CAMTA2: variants seen among roughly 807,000 people sequenced by gnomAD.
The protein encoded by CAMTA2 is calmodulin binding transcription activator 2, also known as calmodulin-binding transcription activator 2.
In CAMTA2, 56 loss-of-function variants were observed where a neutral mutation model predicts 135.7. That is an observed-to-expected ratio of 0.41 (90% CI 0.33 to 0.52). The LOEUF (loss-of-function observed/expected upper bound fraction) is 0.52, where lower values mean the gene tolerates loss of function less well. CAMTA2 is among the 20% of genes least tolerant of loss of function. CAMTA2 has a pLI of 0.16. For synonymous variants in CAMTA2, 591 were observed against 604.6 expected (o/e 0.98, Z 0.33); for missense variants, 1,358 against 1,553.4 (o/e 0.87, Z 2.11).
At chr17:4,972,135 TA>T in intron 16 of CAMTA2, 96 bp downstream of exon 16, 1 of 1,105,030 alleles carries the variant, frequency 9.0e-7, no homozygotes, top group Non-Finnish European at 1.3e-6. Flanking sequence ...AGGCCCTTCC[TA>T]AACTGAAGCC....
At position 4,979,947 on chromosome 17, in the gene CAMTA2, C is replaced by T. The variant is rs747479477; in HGVS notation, c.1375G>A (p.Ala459Thr). The T allele has an allele frequency of 4.3e-6, 7 of 1,612,944 alleles. No individual in the cohort carries two copies. The African/African-American group carries it at 8.0e-5, about 18-fold the overall frequency. ...SGEELKGHGA[A>T]PPIPSPPPSP... ...GGAGGGGGTGAAGGTATGGGTGGGGCAGCCCCGTGACCCTTGAGCTCCTCC... is the reference window on the plus strand; with the variant it reads ...GGAGGGGGTGAAGGTATGGGTGGGGTAGCCCCGTGACCCTTGAGCTCCTCC... Residue 459 changes from alanine (A) to threonine (T), a missense_variant, in exon 9 of 23, where the codon GCC becomes ACC. Around this residue, in one of 4 missense-constraint regions of CAMTA2, gnomAD observed 1,077 missense variants for 1,127.5 expected, o/e 0.96. Transcript: ENST00000348066.
chr17:4,983,957 A>T (rs564521072), intron 3 of CAMTA2, among the ~76,000 whole-genome samples: 2 of 147,232 alleles, frequency 1.4e-5, no homozygotes, highest in East Asian at 4.1e-4. Flanking sequence ...TTATTTATTT[A>T]TTTATTTTTT....
At chr17:4,986,910 TC>T in intron 1 of CAMTA2, 1 of 1,458,824 alleles carries the variant, frequency 6.9e-7, no homozygotes. Flanking sequence ...TAGCTCCCTC[TC>T]CCCAAACGCC....
Position 4,972,806 on chromosome 17 carries a change from TGGG to T in CAMTA2, c.2463_2465del (p.Pro822del), listed in dbSNP as rs762977486. ...TGGAGGAGGGTGGCGATAGGGCAAA[TGGG>T]GGCTCCACCGAAGGCTCCTGTCTCT... is the stretch of plus-strand genomic sequence containing the variant. On this transcript the variant is annotated inframe_deletion, in exon 15 of 23. Coordinates refer to ENST00000348066, the MANE Select transcript of CAMTA2 (RefSeq NM_015099.4). 3.1e-6 allele frequency: 5 copies of T among 1,613,730 alleles called. No homozygotes were observed. In the African/African-American group the frequency reaches 4.0e-5, roughly 13 times the overall value.
chr17:4,972,897 A>G lies in CAMTA2; in HGVS notation c.2375T>C (p.Leu792Pro). ...ALSIPDSLGRLPLSVAHSRGH... is the reference protein window; with the variant it reads ...ALSIPDSLGRPPLSVAHSRGH... ...CCGGGAATGAGCCACAGACAATGGC[A>G]GACGGCCCAGAGAGTCGGGAATGCT... The change falls in exon 15 of 23, where the codon CTG becomes CCG. Residue 792 changes from leucine to proline, a missense_variant. This residue lies in a region of CAMTA2 where 1,077 missense variants were observed against 1,127.5 expected (regional missense o/e 0.96). Transcript: ENST00000348066. The G allele has an allele frequency of 6.2e-7, 1 of 1,613,946 alleles. No individual in the cohort carries two copies. Among genetic ancestry groups the G allele is most frequent in the Non-Finnish European group, 8.5e-7 (1 of 1,180,026 alleles).
At position 4,972,806 on chromosome 17, in the gene CAMTA2, T is replaced by C. The variant is rs1234682149; in HGVS notation, c.2466A>G (p.Pro822=). The C allele has an allele frequency of 6.2e-7, 1 of 1,613,730 alleles. No individual in the cohort carries two copies. Among genetic ancestry groups the C allele is most frequent in the Non-Finnish European group, 8.5e-7 (1 of 1,180,032 alleles). The change falls in exon 15 of 23, where the codon CCA becomes CCG. Residue 822 remains proline (P), a synonymous_variant. Transcript: ENST00000348066. ...TGGAGGAGGGTGGCGATAGGGCAAA[T>C]GGGGGCTCCACCGAAGGCTCCTGTC... ...LQRQEPSVEP[P]FALSPPSSSP...
rs1972650275 is a variant in CAMTA2 at position 4,976,924 on chromosome 17, GA to G, written c.1900+133del. 20 of 817,210 alleles carry G rather than the reference GA, an allele frequency of 2.4e-5. No homozygotes were observed. The East Asian group carries it at 5.3e-4, about 22-fold the overall frequency. The allele number at this position is 817,210 out of a possible 1,614,324, so 50.6% of individuals were successfully genotyped here. ...GCTGCCACATTTAGAAATCACTAAT[GA>G]AATAGGAATTGAAAAAAAAAAATGG... On this transcript the variant is annotated intron_variant, in intron 11 of 22. Coordinates refer to ENST00000348066, the MANE Select transcript of CAMTA2 (RefSeq NM_015099.4).
At position 4,977,060 on chromosome 17, in the gene CAMTA2, T is replaced by A; in HGVS notation, c.1898A>T (p.Asp633Val). The A allele has an allele frequency of 6.2e-7, 1 of 1,614,118 alleles. No homozygotes were observed. ...GGTTCAGAGGGCTGGGTACTCACCG[T>A]CCAGTGACAGCCAGTCAAGTTGAGT... is the stretch of plus-strand genomic sequence containing the variant. ...PSTQLDWLSL[D>V]DNQFRMSILE... Residue 633 changes from aspartate (D) to valine (V), a missense_variant and splice_region_variant, in exon 11 of 23, where the codon GAC (aspartate) becomes GTC (valine). Asp to Val is a radical substitution (Grantham distance 152, BLOSUM62 -3). Coordinates refer to ENST00000348066, the MANE Select transcript of CAMTA2 (RefSeq NM_015099.4).
Position 4,973,487 on chromosome 17 carries a change from C to G in CAMTA2, c.2201+98G>C, listed in dbSNP as rs1972430327. 1.9e-5 allele frequency: 24 copies of G among 1,277,502 alleles called. No individual in the cohort carries two copies. The South Asian group carries it at 3.2e-4, about 17-fold the overall frequency. 79.1% of individuals were successfully genotyped at this position (1,277,502 alleles called of 1,614,324 possible). A position where few individuals can be genotyped will look rare whatever the true frequency, so the allele number is the denominator to read the frequency against. ...CTCCCTTCCCACAATGACCCCAACT[C>G]CCTCTTGGTAGGGCCCCAGGTCCTC... On this transcript the variant is annotated intron_variant, in intron 13 of 22. Coordinates refer to ENST00000348066, the MANE Select transcript of CAMTA2 (RefSeq NM_015099.4).
rs1449995710 is a variant in CAMTA2 at position 4,980,410 on chromosome 17, G to C, written c.912C>G (p.Pro304=). 1.2e-6 allele frequency: 2 copies of C among 1,613,866 alleles called. No homozygotes were observed. The highest frequency in any genetic ancestry group is 2.7e-5 in the African/African-American group (2 of 74,846). ...SSSSSSGFAE[P]LEIRPSPPTS... ...TGGGAGGGCTAGGTCTGATTTCTAGGGGCTCTGCAAAACCTGATGAGGAGG... is the reference window on the plus strand; with the variant it reads ...TGGGAGGGCTAGGTCTGATTTCTAGCGGCTCTGCAAAACCTGATGAGGAGG... Residue 304 remains proline, a synonymous_variant, in exon 9 of 23, where the codon CCC becomes CCG. Coordinates refer to ENST00000348066, the MANE Select transcript of CAMTA2 (RefSeq NM_015099.4). This position sits in a 1 kb window ranked among gnomAD's most constrained non-coding sequence, Gnocchi z 5.3.
Position 4,970,528 on chromosome 17 carries a change from C to T in CAMTA2, c.2817G>A (p.Met939Ile). ...CGATGATCTGCTTGGCTAGTGAGAT[C>T]ATGTCCACCTGGAAGAAGGGAGAAG... The part of the protein sequence containing the change: ...PQAVDVIPVD[M>I]ISLAKQIIEA... Residue 939 changes from methionine to isoleucine, a missense_variant, in exon 17 of 23, where the codon ATG (methionine) becomes ATA (isoleucine). Physicochemically the swap from Met to Ile is conservative, Grantham distance 10 (BLOSUM62 1). Around this residue, in one of 4 missense-constraint regions of CAMTA2, gnomAD observed 1,077 missense variants for 1,127.5 expected, o/e 0.96. Coordinates refer to ENST00000348066, the MANE Select transcript of CAMTA2 (RefSeq NM_015099.4). 6.2e-7 allele frequency: 1 copy of T among 1,609,926 alleles called. No individual in the cohort carries two copies. Among genetic ancestry groups the T allele is most frequent in the African/African-American group, 1.3e-5 (1 of 75,054 alleles).
At chr17:4,987,408 G>C (rs113092029) in intron 1 of CAMTA2, 185 bp downstream of exon 1, 7 of 1,370,858 alleles carry the variant, frequency 5.1e-6, no homozygotes, top group Non-Finnish European at 6.5e-6. Flanking sequence ...GCACGCGCTG[G>C]TCCGCCGTGG....
chr17:4,979,974 C>G lies in CAMTA2; in HGVS notation c.1348G>C (p.Gly450Arg). 2 of 1,613,552 alleles carry G rather than the reference C, an allele frequency of 1.2e-6. No homozygotes were observed. The highest frequency in any genetic ancestry group is 1.7e-6 in the Non-Finnish European group (2 of 1,179,974). ...NCFFIQDDDSGEELKGHGAAP... is the reference protein window; with the variant it reads ...NCFFIQDDDSREELKGHGAAP... Reference sequence around the variant, plus strand: ...GCCCCGTGACCCTTGAGCTCCTCCCCACTGTCATCATCTTGGATGAAGAAG... The same window carrying G: ...GCCCCGTGACCCTTGAGCTCCTCCCGACTGTCATCATCTTGGATGAAGAAG... The change falls in exon 9 of 23, where the codon GGG becomes CGG. Residue 450 changes from glycine (G) to arginine (R), a missense_variant. Gly to Arg is a moderately radical substitution (Grantham distance 125). This residue lies in a region of CAMTA2 where 1,077 missense variants were observed against 1,127.5 expected (regional missense o/e 0.96). Transcript: ENST00000348066.
rs1972040880 is a variant in CAMTA2, at chr17:4,968,399, C to T, written c.*357G>A. On this transcript the variant is annotated 3_prime_UTR_variant, in exon 23 of 23. Coordinates refer to ENST00000348066, the MANE Select transcript of CAMTA2 (RefSeq NM_015099.4). Reference sequence around the variant, plus strand: ...GCAGTGGTGGGAACCGAGGCGGATACATTCAGAGACGCGTCGAACAAATAA... The same window carrying T: ...GCAGTGGTGGGAACCGAGGCGGATATATTCAGAGACGCGTCGAACAAATAA... 1.3e-5 allele frequency: 5 copies of T among 399,994 alleles called. No individual in the cohort carries two copies. In the South Asian group the frequency reaches 1.5e-4, roughly 12 times the overall value. 24.8% of individuals were successfully genotyped at this position (399,994 alleles called of 1,614,324 possible).
At chr17:4,985,244 C>T (rs1289564097) in intron 3 of CAMTA2, among the ~76,000 whole-genome samples, 1 of 152,214 alleles carries the variant, frequency 6.6e-6, no homozygotes, top group East Asian at 1.9e-4. Flanking sequence ...GTTTCCTCAT[C>T]AATAACATAG....
chr17:4,978,647 G>T lies in CAMTA2; in HGVS notation c.1639-17C>A. Reference sequence around the variant, plus strand: ...GACCCCACCCTGCAGACAGAAGTCAGAGACCATGTGACTGGAGTTGGGCGT... The same window carrying T: ...GACCCCACCCTGCAGACAGAAGTCATAGACCATGTGACTGGAGTTGGGCGT... On this transcript the variant is annotated splice_polypyrimidine_tract_variant and intron_variant, in intron 9 of 22. Transcript: ENST00000348066. 6.2e-7 allele frequency: 1 copy of T among 1,609,816 alleles called. No individual in the cohort carries two copies. Among genetic ancestry groups the T allele is most frequent in the South Asian group, 1.1e-5 (1 of 90,728 alleles).
At position 4,968,259 on chromosome 17, in the gene CAMTA2, C is replaced by T. The variant is rs1972034334; in HGVS notation, c.*497G>A. On this transcript the variant is annotated 3_prime_UTR_variant, in exon 23 of 23. Coordinates refer to ENST00000348066, the MANE Select transcript of CAMTA2 (RefSeq NM_015099.4). ...TCCCCTTCGGCCCTGAGGTCAGTGG[C>T]CAGAGTCGGGTGATGGGGTAAGACA... The T allele has an allele frequency of 3.9e-6, 1 of 257,254 alleles. No homozygotes were observed. Among genetic ancestry groups the T allele is most frequent in the Non-Finnish European group, 7.6e-6 (1 of 131,346 alleles). 15.9% of individuals were successfully genotyped at this position (257,254 alleles called of 1,614,324 possible).
chr17:4,972,955 C>A lies in CAMTA2; in HGVS notation c.2317G>T (p.Val773Leu). The change falls in exon 15 of 23, where the codon GTG becomes TTG. Residue 773 changes from valine to leucine, a missense_variant. Coordinates refer to ENST00000348066, the MANE Select transcript of CAMTA2 (RefSeq NM_015099.4). ...ACALGHLEAA[V>L]LLFRWNRQAL... is the part of the protein sequence containing the mutation. The stretch of plus-strand genomic sequence containing the variant: ...TGTCGGTTCCAACGGAAAAGGAGCA[C>A]AGCAGCTTCCAGGTGTCCCAGGGCA... 1 of 1,613,434 alleles carries A rather than the reference C, an allele frequency of 6.2e-7. No individual in the cohort carries two copies. The highest frequency in any genetic ancestry group is 8.5e-7 in the Non-Finnish European group (1 of 1,179,958).
rs1369793176 is a variant in CAMTA2, at chr17:4,980,012, C to T, written c.1310G>A (p.Arg437Lys). ...GPPPQSVAGG[R>K]RGNCFFIQDD... ...TTGGATGAAGAAGCAGTTTCCTCTT[C>T]TCCCACCTGCTACTGACTGTGGTGG... The change falls in exon 9 of 23, where the codon AGA (arginine) becomes AAA (lysine). Residue 437 changes from arginine to lysine, a missense_variant. Physicochemically the swap from Arg to Lys is conservative, Grantham distance 26. Transcript: ENST00000348066. This position sits in a 1 kb window ranked among gnomAD's most constrained non-coding sequence, Gnocchi z 5.3. The T allele has an allele frequency of 1.4e-5, 22 of 1,613,620 alleles. No homozygotes were observed. In the South Asian group the frequency reaches 2.2e-4, roughly 16 times the overall value.
Sources: allele counts gnomAD v4.1 joint callset (sites outside exome capture counted in the v4.1 genomes callset), GRCh38; gene constraint gnomAD v4.1.1; regional missense constraint gnomAD v4.1.1; non-coding constraint Gnocchi (gnomAD v3.1); transcripts MANE v1.5; gene names NCBI Gene and HGNC (gene_info 2026-07-23, HGNC 2026-07-21).